The following ACOXL variants were observed in gnomAD, a reference collection of about 807,000 sequenced individuals.
The protein encoded by ACOXL is acyl-CoA oxidase like, also known as acyl-coenzyme A oxidase-like protein.
A neutral mutation model predicts 71.9 loss-of-function variants in ACOXL; 70 were observed. The ratio of observed to expected loss-of-function variants is 0.97; its 90% CI spans 0.80 to 1.19. The LOEUF (loss-of-function observed/expected upper bound fraction) is 1.19. ACOXL is among the 50% of genes most tolerant of loss of function. The pLI is 0.00. For missense variants in ACOXL, 703 were observed against 736.3 expected (o/e 0.95, Z 0.52); for synonymous variants, 253 against 281.6 (o/e 0.90, Z 1.02).
chr2:110,903,953 T>G (rs2059345204), intron 10 of ACOXL, among the ~76,000 whole-genome samples: 1 of 152,248 alleles, frequency 6.6e-6, no homozygotes, highest in Admixed American at 6.5e-5. Context: ...GTTGCCAGGC[T>G]GCCTGCATGG....
intron 14 of ACOXL, among the ~76,000 whole-genome samples, chr2:111,018,430 G>A (rs1484723365): frequency 6.6e-6 from 1 of 152,214 alleles, no homozygotes; most frequent in Non-Finnish European, 1.5e-5. Context: ...AGTTCAGCCT[G>A]GGCGTGAAGC....
intron 14 of ACOXL, among the ~76,000 whole-genome samples, chr2:111,011,628 G>A (rs11679060): frequency 0.81 from 122,950 of 151,920 alleles, 50,039 homozygotes; most frequent in Middle Eastern, 0.91. Context: ...CATGCCTGTA[G>A]TTTCAGCACT....
intron 12 of ACOXL, among the ~76,000 whole-genome samples, chr2:110,974,020 C>T (rs553185781): frequency 3.3e-5 from 5 of 152,270 alleles, no homozygotes; most frequent in South Asian, 2.1e-4. Flanking sequence ...GCGTTGGACC[C>T]GGAGTTTTCT....
intron 9 of ACOXL, among the ~76,000 whole-genome samples, chr2:110,818,834 CAG>C (rs1688275254): frequency 2.4e-5 from 3 of 127,462 alleles, no homozygotes; most frequent in Non-Finnish European, 3.7e-5. Flanking sequence ...GTGCTGATGT[CAG>C]CACCCTGGGA....
At chr2:110,810,128 A>G (rs1448597430) in intron 9 of ACOXL, among the ~76,000 whole-genome samples, 1 of 152,178 alleles carries the variant, frequency 6.6e-6, no homozygotes, top group East Asian at 1.9e-4. Flanking sequence ...AGGTGCCATG[A>G]CACTTCCTCC....
chr2:110,969,721 G>A (rs1362798908), intron 12 of ACOXL, among the ~76,000 whole-genome samples: 1 of 151,786 alleles, frequency 6.6e-6, no homozygotes, highest in Non-Finnish European at 1.5e-5. Flanking sequence ...TGAGGCAGGA[G>A]AATCACTTGA....
intron 9 of ACOXL, among the ~76,000 whole-genome samples, chr2:110,817,905 T>G (rs897694270): frequency 3.3e-5 from 5 of 152,034 alleles, no homozygotes; most frequent in Non-Finnish European, 2.9e-5. Flanking sequence ...GTTCCCTTTC[T>G]TCTATTTGCC....
intron 10 of ACOXL, chr2:110,886,670 C>T (rs893702713): frequency 2.0e-5 from 27 of 1,377,328 alleles, no homozygotes; most frequent in South Asian, 1.3e-4. Flanking sequence ...TGAGCCACTG[C>T]GTCTGTCCCT....
intron 16 of ACOXL, among the ~76,000 whole-genome samples, chr2:111,062,052 A>G (rs1301438522): frequency 5.3e-5 from 8 of 152,098 alleles, no homozygotes; most frequent in Admixed American, 5.2e-4. Flanking sequence ...AGATGGTCAG[A>G]GTGGATTAAA....
intron 12 of ACOXL, among the ~76,000 whole-genome samples, chr2:110,977,247 G>A (rs1323307114): frequency 6.6e-6 from 1 of 151,912 alleles, no homozygotes; most frequent in Non-Finnish European, 1.5e-5. Flanking sequence ...TTAGCCAGGC[G>A]TGGTGGCAGG....
chr2:111,046,788 G>A (rs138075809), intron 15 of ACOXL, among the ~76,000 whole-genome samples: 32 of 152,294 alleles, frequency 2.1e-4, no homozygotes, highest in African/African-American at 5.8e-4. Flanking sequence ...CCAACCTGAG[G>A]AGACAGGGAG....
chr2:110,835,232 T>C (rs1021161120), intron 9 of ACOXL, among the ~76,000 whole-genome samples: 15 of 152,342 alleles, frequency 9.8e-5, no homozygotes, highest in Middle Eastern at 3.4e-3. Flanking sequence ...TATTTTTAAC[T>C]TAAGTGTGGC....
At chr2:110,858,527 G>A (rs13401811) in intron 10 of ACOXL, among the ~76,000 whole-genome samples, 28,548 of 152,228 alleles carry the variant, frequency 0.19, 2,704 homozygotes, top group South Asian at 0.23. Flanking sequence ...AGGTGTGTGA[G>A]CCTGTGGTAG....
chr2:110,849,636 T>A (rs1175286048), intron 10 of ACOXL, among the ~76,000 whole-genome samples: 3 of 152,142 alleles, frequency 2.0e-5, no homozygotes. Context: ...CACGTGCTTG[T>A]AATCCCAGCT....
intron 11 of ACOXL, among the ~76,000 whole-genome samples, chr2:110,915,523 A>T (rs1205668095): frequency 6.7e-6 from 1 of 149,664 alleles, no homozygotes; most frequent in Non-Finnish European, 1.5e-5. Context: ...TCCCAGGTTC[A>T]AGCAATTCTC....
intron 12 of ACOXL, among the ~76,000 whole-genome samples, chr2:110,983,265 G>C (rs1188965707): frequency 6.6e-6 from 1 of 152,184 alleles, no homozygotes. Context: ...GGAAATGCTG[G>C]TTGCTTCATA....
At chr2:111,086,256 C>G (rs1241568861) in intron 16 of ACOXL, among the ~76,000 whole-genome samples, 1 of 152,026 alleles carries the variant, frequency 6.6e-6, no homozygotes, top group Non-Finnish European at 1.5e-5. Context: ...AGGGACACAA[C>G]AACAAAAAAG....
At chr2:110,954,452 CTTTTCCAT>C (rs1486772795) in intron 12 of ACOXL, among the ~76,000 whole-genome samples, 1 of 152,040 alleles carries the variant, frequency 6.6e-6, no homozygotes, top group East Asian at 1.9e-4. Context: ...TTTATTTTCC[CTTTTCCAT>C]TTTTCCCTTT....
chr2:110,977,096 T>C (rs2062479155), intron 12 of ACOXL, among the ~76,000 whole-genome samples: 1 of 152,166 alleles, frequency 6.6e-6, no homozygotes, highest in African/African-American at 2.4e-5. Flanking sequence ...TTAAAAAATA[T>C]TCTCTCCCGG....
Sources: allele counts gnomAD v4.1 joint callset (sites outside exome capture counted in the v4.1 genomes callset), GRCh38; gene constraint gnomAD v4.1.1; transcripts MANE v1.5; gene names NCBI Gene and HGNC (gene_info 2026-07-23, HGNC 2026-07-21).